Variants in ORC3 observed in about 807,000 individuals in gnomAD.
The protein encoded by ORC3 is homolog of latheo, Drosophila.
Under a neutral mutation model 100.7 loss-of-function variants are expected in ORC3, and 78 were observed. The observed-to-expected ratio is 0.77, with a 90% confidence interval of 0.65 to 0.94. The LOEUF (loss-of-function observed/expected upper bound fraction) is 0.94. Ranked by LOEUF, ORC3 falls within the 40% of genes least tolerant of loss-of-function variation. The pLI, the probability that ORC3 is intolerant of heterozygous loss-of-function variation, is 0.00. For synonymous variants in ORC3, 295 were observed against 289.3 expected (o/e 1.02, Z -0.20); for missense variants, 789 against 823.9 (o/e 0.96, Z 0.52).
chr6:87,676,020 T>A, the ORC3 span: 1 of 1,100,918 alleles, frequency 9.1e-7, no homozygotes, highest in South Asian at 1.4e-5. Context: ...AGTAAAACAA[T>A]TCTAAGTTGA....
intron 19 of ORC3, 56 bp downstream of exon 19, chr6:87,665,889 T>C: frequency 9.2e-7 from 1 of 1,084,880 alleles, no homozygotes; most frequent in Non-Finnish European, 1.4e-6. Flanking sequence ...TATAAGTTTA[T>C]AATTTCTCCA....
At chr6:87,635,441 G>C (rs1294425106) in intron 12 of ORC3, among the ~76,000 whole-genome samples, 2 of 152,166 alleles carry the variant, frequency 1.3e-5, no homozygotes, top group African/African-American at 4.8e-5. Context: ...TTTTAGCAGA[G>C]AAATTCTATA....
chr6:87,596,079 G>T (rs190197635), intron 2 of ORC3, among the ~76,000 whole-genome samples: 45 of 152,038 alleles, frequency 3.0e-4, no homozygotes, highest in Admixed American at 8.5e-4. Context: ...GGGCTCAAGT[G>T]ATCCTCCCAC....
chr6:87,605,887 G>T (rs1778297748), intron 4 of ORC3, 30 bp from the exon 5 acceptor site: 1 of 1,047,824 alleles, frequency 9.5e-7, no homozygotes, highest in South Asian at 1.4e-5. Flanking sequence ...AATAAAAATG[G>T]TGATGTAATA....
chr6:87,623,721 T>A (rs930022200), intron 11 of ORC3, among the ~76,000 whole-genome samples: 4 of 151,966 alleles, frequency 2.6e-5, no homozygotes, highest in South Asian at 4.2e-4. Flanking sequence ...CCATCTCTAC[T>A]AAAAATACAA....
intron 13 of ORC3, among the ~76,000 whole-genome samples, chr6:87,647,168 T>C (rs1768860574): frequency 6.6e-6 from 1 of 152,138 alleles, no homozygotes; most frequent in Admixed American, 6.5e-5. Context: ...ATAATGTTAC[T>C]CCTTTGCTCA....
At position 87,591,972 on chromosome 6, in the gene ORC3, C is replaced by T. The variant is rs375780507; in HGVS notation, c.24+1780C>T. On this transcript the variant is annotated intron_variant, in intron 1 of 19. Transcript: ENST00000392844. ...TCTCGAACTCCTGACCTCGAGTGATCCGCCAGCCTCGGCCTCCCAAAGTGC... is the reference window on the plus strand; with the variant it reads ...TCTCGAACTCCTGACCTCGAGTGATTCGCCAGCCTCGGCCTCCCAAAGTGC... Among the ~76,000 whole-genome samples the T allele has an allele frequency of 5.3e-5, 8 of 152,194 alleles. No individual in the cohort carries two copies. The East Asian group carries it at 1.2e-3, about 22-fold the overall frequency.
In ORC3 at chr6:87,665,876, AAATAT is replaced by A. The variant is rs573062995; in HGVS notation, c.2030+46_2030+50del. The A allele has an allele frequency of 2.4e-5, 28 of 1,191,276 alleles. No individual in the cohort carries two copies. The South Asian group carries it at 3.3e-4, about 14-fold the overall frequency. The allele number at this position is 1,191,276 out of a possible 1,614,324, so 73.8% of individuals were successfully genotyped here. ...TTTCTACAATGTCCAACTACACATA[AAATAT>A]AAGTTTATAATTTCTCCAGGTCTAC... On this transcript the variant is annotated intron_variant, in intron 19 of 19. Coordinates refer to ENST00000392844, the MANE Select transcript of ORC3 (RefSeq NM_012381.4).
intron 14 of ORC3, 27 bp downstream of exon 14, chr6:87,653,276 T>G: frequency 6.2e-7 from 1 of 1,602,946 alleles, no homozygotes; most frequent in Non-Finnish European, 8.5e-7. Flanking sequence ...CTTCCAATTC[T>G]ATTGGCCATG....
intron 14 of ORC3, among the ~76,000 whole-genome samples, chr6:87,656,088 G>A (rs188500396): frequency 1.3e-5 from 2 of 152,230 alleles, no homozygotes; most frequent in East Asian, 3.9e-4. Flanking sequence ...TCTAGAAGGA[G>A]CACAGCTGTA....
intron 13 of ORC3, among the ~76,000 whole-genome samples, chr6:87,645,794 C>T (rs1376467930): frequency 6.6e-6 from 1 of 152,052 alleles, no homozygotes; most frequent in East Asian, 1.9e-4. Context: ...AGGATGATTG[C>T]TTTTAATGAT....
Position 87,638,958 on chromosome 6 carries a change from G to A in ORC3, c.1382+2472G>A, listed in dbSNP as rs138552222. ...AGATTGATTGTCCATCTAGTTGGCC[G>A]AGATAGTGACACCTTTGCTTTCTGA... On this transcript the variant is annotated intron_variant, in intron 13 of 19. Coordinates refer to ENST00000392844, the MANE Select transcript of ORC3 (RefSeq NM_012381.4). Among the ~76,000 whole-genome samples, 926 of 151,882 alleles carry A rather than the reference G, an allele frequency of 6.1e-3. 27 individuals are homozygous for A. Among genetic ancestry groups the A allele is most frequent in the Admixed American group, 0.048 (725 of 15,194 alleles).
At chr6:87,632,402 C>G (rs1284656963) in intron 11 of ORC3, among the ~76,000 whole-genome samples, 2 of 151,346 alleles carry the variant, frequency 1.3e-5, no homozygotes, top group Admixed American at 1.3e-4. Context: ...GTCAAAATTA[C>G]TCTTGAAAAA....
In ORC3 at chr6:87,665,802, G is replaced by A. The variant is rs148557057; in HGVS notation, c.1999G>A (p.Ala667Thr). 1.3e-4 allele frequency: 217 copies of A among 1,611,032 alleles called. No individual in the cohort carries two copies. The highest frequency in any genetic ancestry group is 1.8e-4 in the Non-Finnish European group (210 of 1,177,692). The change falls in exon 19 of 20, where the codon GCA becomes ACA. Residue 667 changes from alanine to threonine, a missense_variant. This residue lies in a region of ORC3 where 366 missense variants were observed against 394.2 expected (regional missense o/e 0.93). Coordinates refer to ENST00000392844, the MANE Select transcript of ORC3 (RefSeq NM_012381.4). ...TAAEKMDANS[A>T]TSEEMNEIIH... ...TGCTGAAAAAATGGATGCAAATTCTGCAACCTCAGAAGAAATGAATGAAAT... is the reference window on the plus strand; with the variant it reads ...TGCTGAAAAAATGGATGCAAATTCTACAACCTCAGAAGAAATGAATGAAAT...
intron 2 of ORC3, among the ~76,000 whole-genome samples, chr6:87,596,174 AGAC>A (rs998547664): frequency 2.2e-4 from 31 of 141,716 alleles, no homozygotes; most frequent in African/African-American, 8.1e-4. Flanking sequence ...TTTTTTTTTG[AGAC>A]GGAGTCTAGC....
chr6:87,621,264 TA>T (rs978241094), intron 9 of ORC3, 89 bp from the exon 10 acceptor site: 1 of 984,024 alleles, frequency 1.0e-6, no homozygotes, highest in Non-Finnish European at 1.4e-6. Context: ...TTTGGCTCTT[TA>T]AAAAAATCCT....
At chr6:87,597,678 TATACACAC>T (rs1346134941) in intron 2 of ORC3, among the ~76,000 whole-genome samples, 4,286 of 136,658 alleles carry the variant, frequency 0.031, 204 homozygotes, top group African/African-American at 0.12. Flanking sequence ...GATATATATA[TATACACAC>T]ACACACACAC....
At chr6:87,674,626 A>C in the ORC3 span, among the ~76,000 whole-genome samples, 1 of 144,682 alleles carries the variant, frequency 6.9e-6, no homozygotes, top group African/African-American at 2.6e-5. Context: ...GAAGGAATTT[A>C]TATATATATA....
intron 11 of ORC3, among the ~76,000 whole-genome samples, chr6:87,633,236 C>T (rs1045634300): frequency 4.1e-4 from 62 of 152,158 alleles, no homozygotes; most frequent in African/African-American, 1.4e-3. Flanking sequence ...TGTTTAAAAG[C>T]TATTTAAGCA....
Sources: gnomAD v4.1 joint callset for allele counts (sites outside exome capture counted in the v4.1 genomes callset) on GRCh38, gnomAD v4.1.1 for gene constraint, gnomAD v4.1.1 regional missense constraint, MANE v1.5 for transcripts, NCBI Gene and HGNC (gene_info 2026-07-23, HGNC 2026-07-21) for gene names.